The following SLX9 variants were observed in gnomAD, a reference collection of about 807,000 sequenced individuals.
The protein encoded by SLX9 is SLX9 ribosome biogenesis factor, also known as ribosome biogenesis protein SLX9 homolog.
Under a neutral mutation model 20.8 loss-of-function variants are expected in SLX9, and 19 were observed. The ratio of observed to expected loss-of-function variants is 0.91; its 90% CI spans 0.64 to 1.34. The LOEUF (loss-of-function observed/expected upper bound fraction) is 1.34. Among genes scored for constraint, SLX9 ranks in the 40% most tolerant of loss-of-function variants. SLX9 has a pLI of 0.00. For missense variants in SLX9, 299 were observed against 322.2 expected, an observed-to-expected ratio of 0.93 and a Z score of 0.55; for synonymous variants, 113 against 137.1, an observed-to-expected ratio of 0.82 and a Z score of 1.23.
At chr21:44,954,403 A>G (rs569641828) in intron 2 of SLX9, among the ~76,000 whole-genome samples, 7 of 151,926 alleles carry the variant, frequency 4.6e-5, no homozygotes, top group African/African-American at 1.7e-4. Flanking sequence ...CTCGGGAGGA[A>G]TGTCGAACCC....
intron 4 of SLX9, 172 bp from the exon 5 acceptor site, chr21:44,973,025 A>ACAGGAC (rs1601424924): frequency 1.2e-4 from 18 of 145,840 alleles, no homozygotes; most frequent in East Asian, 5.5e-4. Context: ...CTGCTTGTCC[A>ACAGGAC]GGTCTCGCCT....
At chr21:44,960,912 TTG>T (rs2084940399) in intron 3 of SLX9, among the ~76,000 whole-genome samples, 1 of 152,272 alleles carries the variant, frequency 6.6e-6, no homozygotes. Context: ...TCTGCTGACT[TTG>T]TGAAATTAAT....
At chr21:44,959,663 G>A (rs542560766) in intron 2 of SLX9, among the ~76,000 whole-genome samples, 8 of 152,354 alleles carry the variant, frequency 5.3e-5, no homozygotes, top group Non-Finnish European at 7.4e-5. Flanking sequence ...GAGCACGTAC[G>A]TCGCTGGGCC....
At chr21:44,944,315 C>T (rs1283519979) in intron 2 of SLX9, among the ~76,000 whole-genome samples, 1 of 152,220 alleles carries the variant, frequency 6.6e-6, no homozygotes, top group Non-Finnish European at 1.5e-5. Context: ...ATGCGCAGCC[C>T]TTCCCGTCTC....
intron 3 of SLX9, among the ~76,000 whole-genome samples, chr21:44,960,775 A>C (rs541488323): frequency 6.6e-6 from 1 of 152,328 alleles, no homozygotes; most frequent in East Asian, 1.9e-4. Flanking sequence ...TGAAAGCCAC[A>C]CTTCCCACTC....
rs138283625 is a variant in SLX9, at chr21:44,967,094, C to T, written c.413C>T (p.Thr138Met). The change falls in exon 4 of 6, where the codon ACG (threonine) becomes ATG (methionine). Residue 138 changes from threonine to methionine, a missense_variant. Physicochemically the swap from Thr to Met is moderately conservative, Grantham distance 81. Coordinates refer to ENST00000291634, the MANE Select transcript of SLX9 (RefSeq NM_058190.4). ...AGGGAGGAGCGGAGGCGGAGGGCCACGGTGGTGGTGGGGGACCTGCACCCT... is the reference window on the plus strand; with the variant it reads ...AGGGAGGAGCGGAGGCGGAGGGCCATGGTGGTGGTGGGGGACCTGCACCCT... ...KHREERRRRA[T>M]VVVGDLHPLR... 2,865 of 1,611,538 alleles carry T rather than the reference C, an allele frequency of 1.8e-3. 11 individuals carry two copies. The highest frequency in any genetic ancestry group is 4.0e-3 in the Middle Eastern group (19 of 4,692).
intron 1 of SLX9, among the ~76,000 whole-genome samples, chr21:44,940,891 C>T (rs1568925496): frequency 1.3e-5 from 2 of 152,262 alleles, no homozygotes; most frequent in South Asian, 4.1e-4. Flanking sequence ...ATATGTACGT[C>T]GTGCTTAATG....
intron 5 of SLX9, among the ~76,000 whole-genome samples, chr21:44,974,217 A>G (rs6518206): frequency 0.72 from 109,840 of 151,990 alleles, 40,590 homozygotes; most frequent in East Asian, 0.92. Context: ...AAATGGCTTT[A>G]CTCAGGTGTT....
intron 4 of SLX9, among the ~76,000 whole-genome samples, chr21:44,971,347 A>G (rs2085145100): frequency 6.6e-6 from 1 of 150,536 alleles, no homozygotes; most frequent in Non-Finnish European, 1.5e-5. Context: ...GTAACCGCCC[A>G]GCACTCTGTC....
At chr21:44,941,986 T>C (rs1337272617) in intron 1 of SLX9, among the ~76,000 whole-genome samples, 1 of 152,222 alleles carries the variant, frequency 6.6e-6, no homozygotes, top group Non-Finnish European at 1.5e-5. Flanking sequence ...ACACCAGAGA[T>C]GGGGCAGGAG....
intron 5 of SLX9, among the ~76,000 whole-genome samples, chr21:44,974,531 T>C (rs139379558): frequency 1.4e-4 from 22 of 152,342 alleles, no homozygotes; most frequent in African/African-American, 4.8e-4. Flanking sequence ...GTATAGATAG[T>C]ATAGTAAACT....
At chr21:44,952,589 G>A (rs1277588186) in intron 2 of SLX9, among the ~76,000 whole-genome samples, 2 of 152,214 alleles carry the variant, frequency 1.3e-5, no homozygotes, top group Non-Finnish European at 2.9e-5. Flanking sequence ...TCTTTTGGCC[G>A]AGTGGACAGT....
At chr21:44,954,685 C>T (rs967020786) in intron 2 of SLX9, among the ~76,000 whole-genome samples, 1 of 152,102 alleles carries the variant, frequency 6.6e-6, no homozygotes, top group African/African-American at 2.4e-5. Context: ...CTGGGTAGTG[C>T]CACCCCCCAG....
intron 2 of SLX9, among the ~76,000 whole-genome samples, chr21:44,951,241 C>T (rs1028998577): frequency 8.5e-5 from 13 of 152,108 alleles, no homozygotes; most frequent in Admixed American, 5.9e-4. Flanking sequence ...AGAGGAGGCT[C>T]CCATCTCCTG....
In SLX9 at chr21:44,943,747, C is replaced by T; in HGVS notation, c.193C>T (p.Gln65Ter). 6 of 1,614,228 alleles carry T rather than the reference C, an allele frequency of 3.7e-6. No homozygotes were observed. The South Asian group carries it at 6.6e-5, about 18-fold the overall frequency. The change falls in exon 2 of 6, where the codon CAG (glutamine) becomes TAG (stop). Residue 65 changes from glutamine to a stop codon, truncating the protein, a stop_gained. Coordinates refer to ENST00000291634, the MANE Select transcript of SLX9 (RefSeq NM_058190.4). LOFTEE classifies it high-confidence loss of function. ...CAAGATAGACCCCAGCGCCTTGGTG[C>T]AGAAGCTGGAGCTGGACGTGAGGAG... ...RTKIDPSALVQKLELDVRSVT... is the reference protein window; with the variant it reads ...RTKIDPSALV
intron 1 of SLX9, among the ~76,000 whole-genome samples, chr21:44,941,673 T>C (rs756789274): frequency 4.7e-4 from 71 of 152,326 alleles, no homozygotes; most frequent in Admixed American, 4.6e-4. Context: ...ACTAGTAGCT[T>C]ACAGAGTCCC....
chr21:44,972,179 C>T (rs1308438611), intron 4 of SLX9, among the ~76,000 whole-genome samples: 2 of 152,152 alleles, frequency 1.3e-5, no homozygotes, highest in South Asian at 4.1e-4. Context: ...TCGTCTGGGT[C>T]CCATCTCACT....
Position 44,948,362 on chromosome 21 carries a change from G to A in SLX9, c.283+4525G>A, listed in dbSNP as rs577944504. On this transcript the variant is annotated intron_variant, in intron 2 of 5. Transcript: ENST00000291634. ...CGGGGAGCTGGTCGTGGAGCATCGG[G>A]CGTCCGGGGAGCTGGTCATGCAGCA... 6.0e-3 allele frequency among the ~76,000 whole-genome samples: 864 copies of A among 144,452 alleles called. 9 individuals are homozygous for A. Among genetic ancestry groups the A allele is most frequent in the African/African-American group, 0.021 (792 of 38,314 alleles). The allele number at this position is 144,452 out of a possible 152,430, so 94.8% of individuals were successfully genotyped here. A position where few individuals can be genotyped will look rare whatever the true frequency, so the allele number is the denominator to read the frequency against.
At chr21:44,947,668 C>T (rs1050490906) in intron 2 of SLX9, among the ~76,000 whole-genome samples, 1 of 152,094 alleles carries the variant, frequency 6.6e-6, no homozygotes, top group African/African-American at 2.4e-5. Flanking sequence ...CACATCTGAC[C>T]CCCTGTTCCC....
Sources: allele counts gnomAD v4.1 joint callset (sites outside exome capture counted in the v4.1 genomes callset), GRCh38; gene constraint gnomAD v4.1.1; transcripts MANE v1.5; gene names NCBI Gene and HGNC (gene_info 2026-07-23, HGNC 2026-07-21).